RHOBTB1: variants seen among roughly 807,000 people sequenced by gnomAD.
RHOBTB1 encodes rho-related BTB domain-containing protein 1.
RHOBTB1 carries 40 observed loss-of-function variants against 71.6 expected under a neutral mutation model. The observed-to-expected ratio is 0.56, with a 90% confidence interval of 0.43 to 0.73. RHOBTB1 has a LOEUF of 0.73. Ranked by LOEUF, RHOBTB1 falls within the 30% of genes least tolerant of loss-of-function variation. RHOBTB1 has a pLI of 0.00. For synonymous variants in RHOBTB1, 319 were observed against 334.9 expected, an observed-to-expected ratio of 0.95 and a Z score of 0.52; for missense variants, 797 against 894.0, an observed-to-expected ratio of 0.89 and a Z score of 1.38.
chr10:60,933,070 G>A (rs1354461017), intron 2 of RHOBTB1, among the ~76,000 whole-genome samples: 3 of 152,196 alleles, frequency 2.0e-5, no homozygotes, highest in African/African-American at 7.2e-5. Context: ...ACTTTTTTCA[G>A]GTTTTCACAG....
At chr10:60,902,682 T>C (rs2082468115) in intron 4 of RHOBTB1, among the ~76,000 whole-genome samples, 1 of 152,218 alleles carries the variant, frequency 6.6e-6, no homozygotes, top group South Asian at 2.1e-4. Flanking sequence ...CGTTTGCTAA[T>C]TCACTAAGGA....
At position 60,998,506 on chromosome 10, in the gene RHOBTB1, G is replaced by A. The variant is rs548658874; in HGVS notation, c.-163+2893C>T. ...GAGACTTCGGTTTGTAATCGGCTCC[G>A]TGAGGGATAACTGAGGGCTGAGATA... On this transcript the variant is annotated intron_variant, in intron 1 of 11. Transcript: ENST00000357917. 1.4e-3 allele frequency among the ~76,000 whole-genome samples: 208 copies of A among 152,290 alleles called. 1 individual carries two copies. The highest frequency in any genetic ancestry group is 3.4e-3 in the Middle Eastern group (1 of 294).
intron 4 of RHOBTB1, 44 bp from the exon 5 acceptor site, chr10:60,893,039 G>A (rs775447482): frequency 6.7e-7 from 1 of 1,483,688 alleles, no homozygotes; most frequent in African/African-American, 1.4e-5. Flanking sequence ...CTTTTAACAG[G>A]TTTTTTCTTT....
chr10:60,950,132 A>G (rs757688835), intron 2 of RHOBTB1, among the ~76,000 whole-genome samples: 1 of 152,224 alleles, frequency 6.6e-6, no homozygotes. Context: ...GGTAGCAAAC[A>G]GTTTTTATGG....
chr10:60,912,215 GTA>G (rs552393308), intron 2 of RHOBTB1, among the ~76,000 whole-genome samples: 1 of 144,648 alleles, frequency 6.9e-6, no homozygotes, highest in South Asian at 2.3e-4. Flanking sequence ...ATATATATGT[GTA>G]TATATATACA....
chr10:60,986,432 A>ATATATATATAT (rs66585379), intron 1 of RHOBTB1, among the ~76,000 whole-genome samples: 2 of 74,328 alleles, frequency 2.7e-5, no homozygotes, highest in African/African-American at 9.9e-5. Context: ...TATATATATA[A>ATATATATATAT]AATATATATA....
chr10:60,987,053 A>G (rs1370797065), intron 1 of RHOBTB1, among the ~76,000 whole-genome samples: 1 of 152,188 alleles, frequency 6.6e-6, no homozygotes, highest in African/African-American at 2.4e-5. Context: ...GACAAAACGG[A>G]CAGCTGCACA....
intron 7 of RHOBTB1, among the ~76,000 whole-genome samples, chr10:60,881,632 G>GA (rs1172301045): frequency 1.3e-5 from 2 of 152,180 alleles, no homozygotes; most frequent in African/African-American, 2.4e-5. Flanking sequence ...TACATGGGAG[G>GA]AATTTGGAAT....
downstream of RHOBTB1, among the ~76,000 whole-genome samples, chr10:60,865,489 A>C (rs906090113): frequency 6.6e-6 from 1 of 152,164 alleles, no homozygotes; most frequent in Non-Finnish European, 1.5e-5. Flanking sequence ...TATTCAAGGA[A>C]CTCTTTAGAA....
At chr10:60,953,004 A>G (rs2085466961) in intron 2 of RHOBTB1, among the ~76,000 whole-genome samples, 1 of 152,174 alleles carries the variant, frequency 6.6e-6, no homozygotes, top group South Asian at 2.1e-4. Flanking sequence ...TTAACAAATT[A>G]AACTATTGCT....
chr10:60,937,549 G>C (rs369423919), intron 2 of RHOBTB1, among the ~76,000 whole-genome samples: 8 of 152,330 alleles, frequency 5.3e-5, no homozygotes, highest in African/African-American at 1.9e-4. Context: ...CTTAGGAACA[G>C]TGTCTGGAAG....
chr10:60,965,300 C>T (rs1307907397), intron 2 of RHOBTB1, among the ~76,000 whole-genome samples: 1 of 151,888 alleles, frequency 6.6e-6, no homozygotes, highest in Non-Finnish European at 1.5e-5. Flanking sequence ...ATTTATTTTG[C>T]TCATCTCTGT....
At chr10:60,878,876 C>T (rs1351170950) in intron 7 of RHOBTB1, among the ~76,000 whole-genome samples, 1 of 152,212 alleles carries the variant, frequency 6.6e-6, no homozygotes. Flanking sequence ...AGCAGCTACT[C>T]TTTATTTTAG....
intron 1 of RHOBTB1, among the ~76,000 whole-genome samples, chr10:60,990,279 G>A (rs1246946449): frequency 4.6e-5 from 7 of 151,952 alleles, no homozygotes; most frequent in South Asian, 4.2e-4. Flanking sequence ...CACCGTGCCC[G>A]GCCAACCTCA....
At chr10:60,928,551 T>C (rs531626873) in intron 2 of RHOBTB1, among the ~76,000 whole-genome samples, 9 of 151,824 alleles carry the variant, frequency 5.9e-5, no homozygotes, top group African/African-American at 2.2e-4. Flanking sequence ...TTCTCACTCA[T>C]ATACAGGAGC....
chr10:60,903,880 A>G (rs1286165639), intron 4 of RHOBTB1, among the ~76,000 whole-genome samples: 1 of 152,232 alleles, frequency 6.6e-6, no homozygotes, highest in Non-Finnish European at 1.5e-5. Context: ...TTAAAGTTCC[A>G]TAAATAATTA....
chr10:60,972,699 A>G (rs577125852), intron 2 of RHOBTB1, among the ~76,000 whole-genome samples: 8 of 152,200 alleles, frequency 5.3e-5, no homozygotes, highest in African/African-American at 1.9e-4. Context: ...AAAGAAAAAA[A>G]GAGAGAAAAC....
chr10:60,903,713 A>AG (rs1008756239), intron 4 of RHOBTB1, among the ~76,000 whole-genome samples: 20 of 151,962 alleles, frequency 1.3e-4, no homozygotes, highest in African/African-American at 3.4e-4. Context: ...CCACTGAGGC[A>AG]GGGGGGGTTC....
chr10:60,893,054 A>G, intron 4 of RHOBTB1, 59 bp from the exon 5 acceptor site: 1 of 1,331,438 alleles, frequency 7.5e-7, no homozygotes, highest in Non-Finnish European at 1.0e-6. Flanking sequence ...TTCTTTTACC[A>G]TTATGGTTCC....
Sources: gnomAD v4.1 joint callset for allele counts (sites outside exome capture counted in the v4.1 genomes callset) on GRCh38, gnomAD v4.1.1 for gene constraint, MANE v1.5 for transcripts, NCBI Gene and HGNC (gene_info 2026-07-23, HGNC 2026-07-21) for gene names.